DAPK1: variants seen among roughly 807,000 people sequenced by gnomAD.
DAPK1 encodes the protein death associated protein kinase 1.
In DAPK1, 56 loss-of-function variants were observed where a neutral mutation model predicts 144.9. The ratio of observed to expected loss-of-function variants is 0.39; its 90% CI spans 0.31 to 0.48. The LOEUF (loss-of-function observed/expected upper bound fraction) is 0.48, where lower values mean the gene tolerates loss of function less well. Among genes scored for constraint, DAPK1 ranks in the 20% least tolerant of loss-of-function variants. The pLI, the probability that DAPK1 is intolerant of heterozygous loss-of-function variation, is 0.95. For missense variants in DAPK1, 1,454 were observed against 1,875.4 expected (o/e 0.78, Z 4.15); for synonymous variants, 690 against 749.0 (o/e 0.92, Z 1.29).
Position 87,703,179 on chromosome 9 carries a change from C to A in DAPK1, c.3022C>A (p.Leu1008Ile). The A allele has an allele frequency of 6.2e-7, 1 of 1,612,846 alleles. No individual in the cohort carries two copies. Among genetic ancestry groups the A allele is most frequent in the Middle Eastern group, 1.7e-4 (1 of 6,060 alleles). The change falls in exon 25 of 26, where the codon CTC becomes ATC. Residue 1008 changes from leucine (L) to isoleucine (I), a missense_variant. Leu to Ile is a conservative substitution (Grantham distance 5). Coordinates refer to ENST00000408954, the MANE Select transcript of DAPK1 (RefSeq NM_004938.4). ...QLNPLASEED[L>I]RRIAQQLHST... Reference sequence around the variant, plus strand: ...GAACCCCCTGGCCAGCGAGGAGGACCTCAGGCGCATTGCTCAGCAGCTCCA... The same window carrying A: ...GAACCCCCTGGCCAGCGAGGAGGACATCAGGCGCATTGCTCAGCAGCTCCA...
At chr9:87,551,544 T>C (rs1177536185) in intron 2 of DAPK1, among the ~76,000 whole-genome samples, 1 of 151,878 alleles carries the variant, frequency 6.6e-6, no homozygotes, top group East Asian at 1.9e-4. Context: ...AGTAAGGAAG[T>C]GGGGAGTTGG....
At chr9:87,539,774 G>A (rs192288351) in intron 2 of DAPK1, among the ~76,000 whole-genome samples, 3 of 152,034 alleles carry the variant, frequency 2.0e-5, no homozygotes, top group South Asian at 2.1e-4. Context: ...CATACCATCC[G>A]AGAGTAGAAG....
intron 2 of DAPK1, among the ~76,000 whole-genome samples, chr9:87,575,051 C>T (rs1827490211): frequency 6.6e-6 from 1 of 151,798 alleles, no homozygotes; most frequent in South Asian, 2.1e-4. Context: ...AACCCCATCT[C>T]TACTAAAAAT....
intron 3 of DAPK1, among the ~76,000 whole-genome samples, chr9:87,621,788 T>A (rs576409393): frequency 7.2e-5 from 11 of 152,300 alleles, no homozygotes; most frequent in Non-Finnish European, 1.3e-4. Context: ...TCACCTGAAG[T>A]GGACACTGTT....
chr9:87,664,545 C>T (rs1477183781), intron 18 of DAPK1, among the ~76,000 whole-genome samples: 1 of 151,924 alleles, frequency 6.6e-6, no homozygotes, highest in East Asian at 1.9e-4. Context: ...GTTCCAGCCT[C>T]TCCGGTGTGT....
intron 3 of DAPK1, among the ~76,000 whole-genome samples, chr9:87,606,358 C>T (rs1249745457): frequency 6.6e-6 from 1 of 152,142 alleles, no homozygotes; most frequent in Admixed American, 6.5e-5. Flanking sequence ...TTAATAATAT[C>T]TCAGATGGTT....
intron 2 of DAPK1, among the ~76,000 whole-genome samples, chr9:87,559,970 C>A (rs1229440177): frequency 6.6e-6 from 1 of 151,546 alleles, no homozygotes; most frequent in Non-Finnish European, 1.5e-5. Context: ...CTCCTCTTCC[C>A]TCCTCTGCCC....
At chr9:87,678,340 G>A (rs1460066954) in intron 19 of DAPK1, among the ~76,000 whole-genome samples, 1 of 152,214 alleles carries the variant, frequency 6.6e-6, no homozygotes, top group African/African-American at 2.4e-5. Flanking sequence ...TATGCTGGAT[G>A]TCAGCATGCA....
At chr9:87,499,198 C>CATT in intron 2 of DAPK1, 59 bp downstream of exon 2, 1 of 1,395,384 alleles carries the variant, frequency 7.2e-7, no homozygotes, top group Non-Finnish European at 1.0e-6. Context: ...ACGATGGGGC[C>CATT]ATTGGGTGGT....
At chr9:87,603,260 C>T (rs1029219786) in intron 2 of DAPK1, among the ~76,000 whole-genome samples, 1 of 152,170 alleles carries the variant, frequency 6.6e-6, no homozygotes, top group Non-Finnish European at 1.5e-5. Context: ...CTCTGCCACC[C>T]TCCGCCCCAC....
chr9:87,520,472 T>C (rs1448209204), intron 2 of DAPK1, among the ~76,000 whole-genome samples: 1 of 152,168 alleles, frequency 6.6e-6, no homozygotes, highest in Non-Finnish European at 1.5e-5. Flanking sequence ...TGGGTTGCAC[T>C]TCTTCCTGTG....
chr9:87,658,113 G>A lies in DAPK1; in HGVS notation c.1909G>A (p.Glu637Lys). ...RYLCLMGASV[E>K]ALTTDGKTAE... is the part of the protein sequence containing the mutation. The stretch of plus-strand genomic sequence containing the variant: ...TCTCTGTCTGATGGGAGCCAGCGTT[G>A]AGGCGCTGACCACGGTGAGTGCCCA... The change falls in exon 18 of 26, where the codon GAG becomes AAG. Residue 637 changes from glutamate to lysine, a missense_variant. Glu to Lys is a moderately conservative substitution (Grantham distance 56). Coordinates refer to ENST00000408954, the MANE Select transcript of DAPK1 (RefSeq NM_004938.4). 6.9e-7 allele frequency: 1 copy of A among 1,452,330 alleles called. No individual in the cohort carries two copies. Among genetic ancestry groups the A allele is most frequent in the Non-Finnish European group, 9.7e-7 (1 of 1,034,048 alleles). 90.0% of individuals were successfully genotyped at this position (1,452,330 alleles called of 1,614,324 possible).
chr9:87,647,810 G>A (rs953914656), intron 14 of DAPK1, among the ~76,000 whole-genome samples: 9 of 152,202 alleles, frequency 5.9e-5, no homozygotes, highest in African/African-American at 2.2e-4. Flanking sequence ...GACACTAGAA[G>A]ATATTAATGA....
At chr9:87,571,699 C>A (rs1162322775) in intron 2 of DAPK1, among the ~76,000 whole-genome samples, 1 of 152,188 alleles carries the variant, frequency 6.6e-6, no homozygotes, top group Non-Finnish European at 1.5e-5. Flanking sequence ...ACAGCGTTTG[C>A]ACACTTTCCT....
intron 3 of DAPK1, among the ~76,000 whole-genome samples, chr9:87,610,308 C>T (rs543971880): frequency 2.6e-5 from 4 of 152,210 alleles, no homozygotes; most frequent in Non-Finnish European, 4.4e-5. Context: ...CTAATGAAGT[C>T]GTGCCAATAC....
chr9:87,563,679 C>T (rs7868976), intron 2 of DAPK1, among the ~76,000 whole-genome samples: 59,818 of 152,046 alleles, frequency 0.39, 12,934 homozygotes, highest in African/African-American at 0.57. Flanking sequence ...TCAGCACACA[C>T]CACCAGATGT....
intron 3 of DAPK1, among the ~76,000 whole-genome samples, chr9:87,620,006 C>T (rs1383322049): frequency 1.3e-5 from 2 of 151,696 alleles, no homozygotes; most frequent in Admixed American, 6.5e-5. Flanking sequence ...CATGCATGGG[C>T]CCAGACAGAC....
rs1825718016 is a variant in DAPK1 at position 87,708,584 on chromosome 9, AGTT to A, written c.*1224_*1226del. ...CTTAATCTATAAAATGTCGTTAAAA[AGTT>A]GTTTGTTTTTTTCTTTTTTTATAAA... On this transcript the variant is annotated 3_prime_UTR_variant, in exon 26 of 26. Coordinates refer to ENST00000408954, the MANE Select transcript of DAPK1 (RefSeq NM_004938.4). The A allele has an allele frequency of 6.6e-6, 1 of 152,576 alleles. No individual in the cohort carries two copies. The highest frequency in any genetic ancestry group is 1.5e-5 in the Non-Finnish European group (1 of 68,032). 9.5% of individuals were successfully genotyped at this position (152,576 alleles called of 1,614,324 possible). A position where few individuals can be genotyped will look rare whatever the true frequency, so the allele number is the denominator to read the frequency against.
chr9:87,567,949 A>G (rs1242040424), intron 2 of DAPK1, among the ~76,000 whole-genome samples: 2 of 152,228 alleles, frequency 1.3e-5, no homozygotes, highest in Non-Finnish European at 2.9e-5. Context: ...GGCTGCCACT[A>G]TTCAGTTGAA....
Sources: allele counts gnomAD v4.1 joint callset (sites outside exome capture counted in the v4.1 genomes callset), GRCh38; gene constraint gnomAD v4.1.1; transcripts MANE v1.5; gene names NCBI Gene and HGNC (gene_info 2026-07-23, HGNC 2026-07-21).